The following MAML2 variants were observed in gnomAD, a reference collection of about 807,000 sequenced individuals.
MAML2 encodes the protein mastermind like transcriptional coactivator 2.
In MAML2, 22 loss-of-function variants were observed where a neutral mutation model predicts 96.1. That is an observed-to-expected ratio of 0.23 (90% confidence interval 0.16 to 0.33). The LOEUF (loss-of-function observed/expected upper bound fraction) is 0.33. Among genes scored for constraint, MAML2 ranks in the 10% least tolerant of loss-of-function variants. MAML2 has a pLI of 1.00. For missense variants in MAML2, 1,367 were observed against 1,392.4 expected (o/e 0.98, Z 0.29); for synonymous variants, 561 against 521.3 (o/e 1.08, Z -1.04).
chr11:96,072,595 G>T (rs1354093235), intron 2 of MAML2, among the ~76,000 whole-genome samples: 1 of 152,134 alleles, frequency 6.6e-6, no homozygotes, highest in East Asian at 1.9e-4. Flanking sequence ...CAACGGACAG[G>T]GTGGCATGCA....
intron 1 of MAML2, among the ~76,000 whole-genome samples, chr11:96,122,189 G>A (rs1239200608): frequency 2.0e-5 from 3 of 151,982 alleles, no homozygotes; most frequent in Non-Finnish European, 4.4e-5. Flanking sequence ...GCACAGAAAA[G>A]CTCACAATTC....
chr11:96,103,234 A>G (rs1468417442), intron 1 of MAML2, among the ~76,000 whole-genome samples: 1 of 152,192 alleles, frequency 6.6e-6, no homozygotes, highest in Non-Finnish European at 1.5e-5. Context: ...TGTACTTCTC[A>G]TCCACTCCCA....
intron 1 of MAML2, among the ~76,000 whole-genome samples, chr11:96,258,432 C>G (rs974000855): frequency 6.6e-6 from 1 of 152,190 alleles, no homozygotes; most frequent in Non-Finnish European, 1.5e-5. Context: ...CTTGAAGAAG[C>G]TTACATGTGT....
chr11:96,208,147 A>T (rs1861920594), intron 1 of MAML2, among the ~76,000 whole-genome samples: 1 of 152,212 alleles, frequency 6.6e-6, no homozygotes, highest in Admixed American at 6.5e-5. Context: ...CATCTACTGT[A>T]TTCTCAAGTA....
chr11:96,093,437 G>C lies in MAML2; in HGVS notation c.594C>G (p.Asn198Lys). ...NSKRPNGFVD[N>K]SFLDIKRIRV... ...GAATTCTTTTGATATCAAGAAATGA[G>C]TTGTCCACAAAGCCATTGGGTCGCT... The change falls in exon 2 of 5, where the codon AAC becomes AAG. Residue 198 changes from asparagine to lysine, a missense_variant. Coordinates refer to ENST00000524717, the MANE Select transcript of MAML2 (RefSeq NM_032427.4). The C allele has an allele frequency of 6.2e-7, 1 of 1,614,028 alleles. No homozygotes were observed. The highest frequency in any genetic ancestry group is 1.1e-5 in the South Asian group (1 of 91,074).
chr11:95,989,425 G>A (rs1411767749), intron 3 of MAML2, among the ~76,000 whole-genome samples: 2 of 152,224 alleles, frequency 1.3e-5, no homozygotes, highest in African/African-American at 4.8e-5. Flanking sequence ...CTGGGGCCCA[G>A]TGGGAGTTAG....
At chr11:96,335,550 A>T (rs1453651990) in intron 1 of MAML2, among the ~76,000 whole-genome samples, 1 of 152,162 alleles carries the variant, frequency 6.6e-6, no homozygotes, top group Non-Finnish European at 1.5e-5. Context: ...TGAATGGGAG[A>T]ATGTGTAAAT....
At position 96,092,393 on chromosome 11, in the gene MAML2, G is replaced by T. The variant is rs1859736810; in HGVS notation, c.1638C>A (p.His546Gln). ...TGCCCTGACGGGGCTCCATGGCTGG[G>T]TGCGGGTTGTTAATAAAACTTCGAC... The part of the protein sequence containing the change: ...DLSRSFINNP[H>Q]PAMEPRQGNT... Residue 546 changes from histidine to glutamine, a missense_variant, in exon 2 of 5, where the codon CAC becomes CAA. Coordinates refer to ENST00000524717, the MANE Select transcript of MAML2 (RefSeq NM_032427.4). The surrounding 1 kb of genome is among the most constrained non-coding windows in gnomAD (Gnocchi z 4.1). 2.5e-6 allele frequency: 4 copies of T among 1,614,004 alleles called. No individual in the cohort carries two copies. The highest frequency in any genetic ancestry group is 3.4e-6 in the Non-Finnish European group (4 of 1,179,888).
At chr11:96,270,048 G>T (rs1299094838) in intron 1 of MAML2, among the ~76,000 whole-genome samples, 1 of 143,752 alleles carries the variant, frequency 7.0e-6, no homozygotes, top group Non-Finnish European at 1.5e-5. Context: ...ATACACAAAT[G>T]ATATCTCCTT....
chr11:96,025,852 C>T (rs942425889), intron 2 of MAML2, among the ~76,000 whole-genome samples: 4 of 146,364 alleles, frequency 2.7e-5, no homozygotes, highest in East Asian at 1.9e-4. Flanking sequence ...TAAGCCACCG[C>T]GCCCAGCCAA....
rs1862006975 is a variant in MAML2, at chr11:96,213,776, ATTGCCTTGTC to A, written c.514-120269_514-120260del. Among the ~76,000 whole-genome samples the A allele has an allele frequency of 2.6e-5, 4 of 152,218 alleles. No homozygotes were observed. The South Asian group carries it at 8.3e-4, about 32-fold the overall frequency. Reference sequence around the variant, plus strand: ...AAGTGACAGAGCTCTTTACAGATGCATTGCCTTGTCTTTGCCCTTAAAATTAACAATTTTC... The same window carrying A: ...AAGTGACAGAGCTCTTTACAGATGCATTTGCCCTTAAAATTAACAATTTTC... On this transcript the variant is annotated intron_variant, in intron 1 of 4. Transcript: ENST00000524717.
chr11:96,228,077 G>A (rs964978818), intron 1 of MAML2, among the ~76,000 whole-genome samples: 1 of 152,054 alleles, frequency 6.6e-6, no homozygotes. Context: ...ACTCCAGCCT[G>A]GGGGGAGAAA....
rs919050540 is a variant in MAML2, at chr11:96,341,325, T to C, written c.513+58A>G. ...CTCTACCTTAGGCCAAAGCAAACTC[T>C]ACCCTCACAAAAGGTCACAGGACCA... On this transcript the variant is annotated intron_variant, in intron 1 of 4. Coordinates refer to ENST00000524717, the MANE Select transcript of MAML2 (RefSeq NM_032427.4). 5 of 1,468,770 alleles carry C rather than the reference T, an allele frequency of 3.4e-6. No homozygotes were observed. In the African/African-American group the frequency reaches 5.7e-5, roughly 17 times the overall value. The allele number at this position is 1,468,770 out of a possible 1,614,324, so 91.0% of individuals were successfully genotyped here.
At chr11:95,983,754 A>T (rs781515330) in intron 4 of MAML2, among the ~76,000 whole-genome samples, 2 of 152,200 alleles carry the variant, frequency 1.3e-5, no homozygotes, top group Non-Finnish European at 2.9e-5. Context: ...AAGGATATAG[A>T]GAAGAAATAT....
intron 1 of MAML2, among the ~76,000 whole-genome samples, chr11:96,232,471 ATT>A (rs36041347): frequency 0.097 from 14,461 of 148,914 alleles, 796 homozygotes; most frequent in Non-Finnish European, 0.12. Flanking sequence ...AAAGGAAGGC[ATT>A]TTTTTTTTTT....
intron 1 of MAML2, among the ~76,000 whole-genome samples, chr11:96,098,775 G>A (rs1370092951): frequency 6.6e-6 from 1 of 152,232 alleles, no homozygotes; most frequent in Admixed American, 6.5e-5. Context: ...TGGGGTTGAA[G>A]GTATGAGAAC....
chr11:96,011,398 T>C (rs1003961208), intron 2 of MAML2, among the ~76,000 whole-genome samples: 1 of 152,180 alleles, frequency 6.6e-6, no homozygotes, highest in Middle Eastern at 3.2e-3. Flanking sequence ...TAAAAAAGAA[T>C]TAAATCACGT....
intron 1 of MAML2, among the ~76,000 whole-genome samples, chr11:96,290,589 T>C (rs948982945): frequency 1.1e-4 from 16 of 152,234 alleles, no homozygotes; most frequent in Non-Finnish European, 2.1e-4. Flanking sequence ...AATCCACAAA[T>C]GCATTATAAA....
At chr11:96,339,504 A>G (rs917368843) in intron 1 of MAML2, among the ~76,000 whole-genome samples, 1 of 152,226 alleles carries the variant, frequency 6.6e-6, no homozygotes, top group African/African-American at 2.4e-5. Context: ...TGGGCTGTGA[A>G]GGCCACAAGG....
Sources: gnomAD v4.1 joint callset for allele counts (sites outside exome capture counted in the v4.1 genomes callset) on GRCh38, gnomAD v4.1.1 for gene constraint, Gnocchi (gnomAD v3.1) non-coding constraint, MANE v1.5 for transcripts, NCBI Gene and HGNC (gene_info 2026-07-23, HGNC 2026-07-21) for gene names.